Variants in ROBO2 observed in about 807,000 individuals in gnomAD.
The protein encoded by ROBO2 is roundabout guidance receptor 2, also known as roundabout homolog 2.
ROBO2 carries 53 observed loss-of-function variants against 160.8 expected under a neutral mutation model. That is an observed-to-expected ratio of 0.33 (90% CI 0.26 to 0.41). The LOEUF (loss-of-function observed/expected upper bound fraction) is 0.41. ROBO2 is among the 10% of genes least tolerant of loss of function. ROBO2 has a pLI of 1.00. For synonymous variants in ROBO2, 664 were observed against 611.7 expected, an observed-to-expected ratio of 1.09 and a Z score of -1.26; for missense variants, 1,577 against 1,722.4, an observed-to-expected ratio of 0.92 and a Z score of 1.49.
intron 2 of ROBO2, among the ~76,000 whole-genome samples, chr3:76,424,628 G>A (rs1485410458): frequency 6.6e-6 from 1 of 152,132 alleles, no homozygotes; most frequent in Non-Finnish European, 1.5e-5. Flanking sequence ...TTAAAAATTT[G>A]CTAAGAGGTT....
At chr3:76,859,490 A>G (rs1185299557) in intron 2 of ROBO2, among the ~76,000 whole-genome samples, 1 of 152,162 alleles carries the variant, frequency 6.6e-6, no homozygotes, top group Non-Finnish European at 1.5e-5. Flanking sequence ...TAGCCTCTCC[A>G]GAACTCAGCT....
intron 2 of ROBO2, among the ~76,000 whole-genome samples, chr3:76,848,640 C>A (rs1168294527): frequency 6.6e-6 from 1 of 152,220 alleles, no homozygotes; most frequent in Non-Finnish European, 1.5e-5. Flanking sequence ...CTGGCAGACC[C>A]TGTGTCTTGT....
At chr3:76,905,424 T>A (rs771387997) in intron 2 of ROBO2, among the ~76,000 whole-genome samples, 4 of 152,118 alleles carry the variant, frequency 2.6e-5, no homozygotes, top group African/African-American at 9.7e-5. Context: ...CTTGAAAAAA[T>A]ATATATTTTT....
intron 2 of ROBO2, among the ~76,000 whole-genome samples, chr3:77,160,765 T>C (rs1419254001): frequency 2.0e-5 from 3 of 152,192 alleles, no homozygotes; most frequent in Admixed American, 6.6e-5. Flanking sequence ...GAGCATGTAA[T>C]TACTGCAGTC....
At chr3:76,871,735 T>A (rs565310913) in intron 2 of ROBO2, among the ~76,000 whole-genome samples, 11 of 152,290 alleles carry the variant, frequency 7.2e-5, no homozygotes, top group Admixed American at 7.2e-4. Flanking sequence ...ATCTGGAGAT[T>A]TGTGACTGTG....
intron 2 of ROBO2, among the ~76,000 whole-genome samples, chr3:77,299,311 G>A (rs1221357542): frequency 6.6e-6 from 1 of 152,148 alleles, no homozygotes. Context: ...TTAAGAGAGA[G>A]CGAAGACTAG....
intron 2 of ROBO2, among the ~76,000 whole-genome samples, chr3:76,973,287 G>A (rs969206741): frequency 6.6e-6 from 1 of 152,154 alleles, no homozygotes; most frequent in Non-Finnish European, 1.5e-5. Flanking sequence ...TGGGCAACAT[G>A]CTTCAGTAGT....
intron 2 of ROBO2, among the ~76,000 whole-genome samples, chr3:77,251,832 C>G (rs1015996548): frequency 6.6e-6 from 1 of 152,146 alleles, no homozygotes; most frequent in East Asian, 1.9e-4. Flanking sequence ...GCCGTCCACC[C>G]TGATTGTGCG....
chr3:76,014,258 T>A (rs1457723801), intron 2 of ROBO2, among the ~76,000 whole-genome samples: 3 of 133,664 alleles, frequency 2.2e-5, no homozygotes, highest in Non-Finnish European at 5.0e-5. Flanking sequence ...ATGCGTGTAA[T>A]CCCAGAAGTA....
intron 24 of ROBO2, among the ~76,000 whole-genome samples, chr3:77,636,912 T>C (rs2095273136): frequency 6.6e-6 from 1 of 152,208 alleles, no homozygotes; most frequent in East Asian, 1.9e-4. Flanking sequence ...AATTAAAATA[T>C]GTATCCTGAA....
At chr3:76,253,512 A>C (rs560003062) in intron 2 of ROBO2, among the ~76,000 whole-genome samples, 2 of 151,306 alleles carry the variant, frequency 1.3e-5, no homozygotes, top group East Asian at 3.9e-4. Flanking sequence ...GGGCTCAAGC[A>C]ATCCACCTGC....
chr3:76,753,304 T>A lies in ROBO2; in HGVS notation c.110-344710T>A, dbSNP rs888544903. On this transcript the variant is annotated intron_variant, in intron 2 of 26. Transcript: ENST00000487694. ...GAAAAAAGTTTTAAAATATTTTAAA[T>A]CAATTTTTGTTGATTTCCTGATTTC... 3.3e-5 allele frequency among the ~76,000 whole-genome samples: 5 copies of A among 151,944 alleles called. No homozygotes were observed. In the East Asian group the frequency reaches 9.7e-4, roughly 29 times the overall value.
intron 2 of ROBO2, among the ~76,000 whole-genome samples, chr3:76,454,015 C>T (rs1014040824): frequency 6.6e-6 from 1 of 152,124 alleles, no homozygotes; most frequent in East Asian, 1.9e-4. Context: ...GCAACTTATA[C>T]ATGGTTGTGT....
intron 2 of ROBO2, among the ~76,000 whole-genome samples, chr3:76,522,262 T>C (rs2081664833): frequency 1.3e-5 from 2 of 152,140 alleles, no homozygotes; most frequent in African/African-American, 4.8e-5. Flanking sequence ...AAATCTATTC[T>C]CTACAACTCA....
intron 2 of ROBO2, among the ~76,000 whole-genome samples, chr3:75,961,547 C>T (rs537677443): frequency 4.0e-5 from 6 of 151,682 alleles, no homozygotes; most frequent in South Asian, 2.1e-4. Context: ...ATTTTAATAT[C>T]GATTCTGGTA....
intron 2 of ROBO2, among the ~76,000 whole-genome samples, chr3:77,027,718 T>C (rs2063058110): frequency 6.6e-6 from 1 of 152,092 alleles, no homozygotes; most frequent in Non-Finnish European, 1.5e-5. Context: ...AGAACTCTAG[T>C]AAGGGTGCTA....
chr3:76,870,083 T>A (rs542520558), intron 2 of ROBO2, among the ~76,000 whole-genome samples: 42 of 152,176 alleles, frequency 2.8e-4, no homozygotes, highest in Non-Finnish European at 4.6e-4. Context: ...TGGAGAGATG[T>A]GGTATAAAGG....
At chr3:76,789,150 A>G (rs1451246165) in intron 2 of ROBO2, among the ~76,000 whole-genome samples, 1 of 151,572 alleles carries the variant, frequency 6.6e-6, no homozygotes, top group Admixed American at 6.6e-5. Flanking sequence ...GTCAAAAGGC[A>G]CAAAGAACAC....
intron 2 of ROBO2, among the ~76,000 whole-genome samples, chr3:75,988,465 G>A (rs1008693886): frequency 2.6e-5 from 4 of 151,914 alleles, no homozygotes; most frequent in Non-Finnish European, 5.9e-5. Context: ...TTTTTTTGAA[G>A]AATCAACTTT....
Sources: gnomAD v4.1 joint callset for allele counts (sites outside exome capture counted in the v4.1 genomes callset) on GRCh38, gnomAD v4.1.1 for gene constraint, MANE v1.5 for transcripts, NCBI Gene and HGNC (gene_info 2026-07-23, HGNC 2026-07-21) for gene names.